Variants in SCARB2 observed in about 807,000 individuals in gnomAD.
The protein encoded by SCARB2 is scavenger receptor class B member 2.
In SCARB2, 29 loss-of-function variants were observed where a neutral mutation model predicts 58.6. The observed-to-expected ratio is 0.49, with a 90% CI of 0.37 to 0.67. The LOEUF (loss-of-function observed/expected upper bound fraction) is 0.67, where lower values mean the gene tolerates loss of function less well. Among genes scored for constraint, SCARB2 ranks in the 30% least tolerant of loss-of-function variants. The pLI is 0.00. For missense variants in SCARB2, 488 were observed against 578.5 expected (o/e 0.84, Z 1.60); for synonymous variants, 195 against 210.1 (o/e 0.93, Z 0.62).
chr4:76,204,018 T>C (rs1732880478), intron 1 of SCARB2, among the ~76,000 whole-genome samples: 1 of 152,222 alleles, frequency 6.6e-6, no homozygotes, highest in South Asian at 2.1e-4. Flanking sequence ...CATGTTGCCA[T>C]CTGCACAGTC....
chr4:76,211,267 T>G (rs1325408433), intron 1 of SCARB2, among the ~76,000 whole-genome samples: 2 of 152,216 alleles, frequency 1.3e-5, no homozygotes, highest in Non-Finnish European at 2.9e-5. Flanking sequence ...AGCTTAACTT[T>G]GCGAGTTTCA....
intron 7 of SCARB2, among the ~76,000 whole-genome samples, chr4:76,170,994 C>A (rs1732119058): frequency 7.0e-6 from 1 of 142,382 alleles, no homozygotes; most frequent in Admixed American, 7.5e-5. Context: ...AAACAAGTTA[C>A]TAAAGGAAAC....
intron 1 of SCARB2, among the ~76,000 whole-genome samples, chr4:76,221,847 C>T (rs1347442792): frequency 6.6e-6 from 1 of 152,186 alleles, no homozygotes; most frequent in Non-Finnish European, 1.5e-5. Context: ...GCACACCAAA[C>T]CTCAGCGACA....
rs1273374189 is a variant in SCARB2, at chr4:76,181,888, G to C, written c.276-787C>G. On this transcript the variant is annotated intron_variant, in intron 2 of 11. Coordinates refer to ENST00000264896, the MANE Select transcript of SCARB2 (RefSeq NM_005506.4). ...GTCTCTGTTTCTGATATACAGCACA[G>C]TTTGGTTCAAGTTAGAGCCCCCAAA... Among the ~76,000 whole-genome samples the C allele has an allele frequency of 3.3e-5, 5 of 152,118 alleles. No individual in the cohort carries two copies. In the East Asian group the frequency reaches 9.6e-4, roughly 29 times the overall value.
chr4:76,232,015 C>A (rs1157552067), intron 1 of SCARB2, among the ~76,000 whole-genome samples: 1 of 152,186 alleles, frequency 6.6e-6, no homozygotes. Context: ...TCCTATTGCA[C>A]TGATGTAAAC....
upstream of SCARB2, among the ~76,000 whole-genome samples, chr4:76,217,083 G>A (rs141022383): frequency 3.5e-3 from 540 of 152,276 alleles, 6 homozygotes; most frequent in African/African-American, 0.013. Context: ...CCTCATTTCT[G>A]ATCTATAGGA....
intron 1 of SCARB2, among the ~76,000 whole-genome samples, chr4:76,231,100 T>C (rs1185213683): frequency 7.1e-6 from 1 of 141,058 alleles, no homozygotes; most frequent in Non-Finnish European, 1.5e-5. Flanking sequence ...GGTGAAACCG[T>C]AGAACTGAGT....
intron 1 of SCARB2, 66 bp downstream of exon 1, chr4:76,213,361 T>G: frequency 2.8e-6 from 3 of 1,074,218 alleles, no homozygotes; most frequent in Middle Eastern, 3.9e-4. Context: ...ATACAAGATG[T>G]AGCAGCAGGG....
chr4:76,216,727 C>A (rs374204290), upstream of SCARB2, among the ~76,000 whole-genome samples: 9 of 152,284 alleles, frequency 5.9e-5, no homozygotes, highest in African/African-American at 2.2e-4. Flanking sequence ...GCCACTTCCC[C>A]TTTAAAACTC....
In SCARB2 at chr4:76,195,448, A is replaced by G. The variant is rs187467067; in HGVS notation, c.275+259T>C. ...GGTAAGGAGTAACCCTTCATGGTTT[A>G]ATAATCACAGTCTGCCAACTCAGGA... is the stretch of plus-strand genomic sequence containing the variant. On this transcript the variant is annotated intron_variant, in intron 2 of 11. Coordinates refer to ENST00000264896, the MANE Select transcript of SCARB2 (RefSeq NM_005506.4). 47 of 498,090 alleles carry G rather than the reference A, an allele frequency of 9.4e-5. No individual in the cohort carries two copies. In the East Asian group the frequency reaches 1.7e-3, roughly 18 times the overall value. 30.9% of individuals were successfully genotyped at this position (498,090 alleles called of 1,614,324 possible).
At chr4:76,215,771 T>G (rs983199344), upstream of SCARB2, among the ~76,000 whole-genome samples, 12 of 151,912 alleles carry the variant, frequency 7.9e-5, no homozygotes, top group African/African-American at 2.9e-4. Flanking sequence ...AAGCCCTGAG[T>G]CTGTAGGAAG....
chr4:76,198,750 A>G (rs1237075551), intron 1 of SCARB2, among the ~76,000 whole-genome samples: 1 of 152,004 alleles, frequency 6.6e-6, no homozygotes, highest in African/African-American at 2.4e-5. Context: ...TGCTGCTTTC[A>G]TATGTCTCTT....
intron 2 of SCARB2, chr4:76,193,438 C>T (rs1560715195): frequency 6.6e-6 from 1 of 152,288 alleles, no homozygotes; most frequent in Non-Finnish European, 1.5e-5. Flanking sequence ...GGCCACCGTC[C>T]TTGAGACACC....
chr4:76,169,970 A>G lies in SCARB2; in HGVS notation c.1010T>C (p.Met337Thr), dbSNP rs147324129. 164 of 1,613,874 alleles carry G rather than the reference A, an allele frequency of 1.0e-4. No homozygotes were observed. Among genetic ancestry groups the G allele is most frequent in the Middle Eastern group, 5.0e-4 (3 of 6,060 alleles). Residue 337 changes from methionine to threonine, a missense_variant, in exon 8 of 12, where the codon ATG (methionine) becomes ACG (threonine). Met to Thr is a moderately conservative substitution (Grantham distance 81). Coordinates refer to ENST00000264896, the MANE Select transcript of SCARB2 (RefSeq NM_005506.4). ...SICKNGAPII[M>T]SFPHFYQADE... ...TGCTTGGTAAAAGTGTGGGAAAGAC[A>G]TAATGATGGGTGCACCTGCATTTGA...
At position 76,169,894 on chromosome 4, in the gene SCARB2, G is replaced by T. The variant is rs1238674003; in HGVS notation, c.1086C>A (p.Asp362Glu). Residue 362 changes from aspartate (D) to glutamate (E), a missense_variant, in exon 8 of 12, where the codon GAC becomes GAA. Transcript: ENST00000264896. Reference protein sequence around the residue: ...AIEGMHPNQEDHETFVDINPL... With the variant: ...AIEGMHPNQEEHETFVDINPL... ...GATTAATGTCCACAAATGTCTCATG[G>T]TCTTCCTGATTTGGGTGCATGCCTT... 1 of 1,613,826 alleles carries T rather than the reference G, an allele frequency of 6.2e-7. No homozygotes were observed. The highest frequency in any genetic ancestry group is 1.1e-5 in the South Asian group (1 of 91,078).
intron 1 of SCARB2, among the ~76,000 whole-genome samples, chr4:76,210,943 AAAAAC>A (rs539796180): frequency 1.3e-5 from 2 of 152,252 alleles, no homozygotes; most frequent in Non-Finnish European, 2.9e-5. Flanking sequence ...CTTCAAATGA[AAAAAC>A]AAAGAACTGG....
At chr4:76,176,262 TG>T (rs1173042186) in intron 5 of SCARB2, 174 bp downstream of exon 5, 3 of 615,830 alleles carry the variant, frequency 4.9e-6, no homozygotes, top group Non-Finnish European at 8.5e-6. Context: ...ATATTTAATC[TG>T]TAAGATGTTT....
At position 76,160,923 on chromosome 4, in the gene SCARB2, CAGTT is replaced by C. The variant is rs1206177832; in HGVS notation, c.*786_*789del. 1 of 151,790 alleles carries C rather than the reference CAGTT, an allele frequency of 6.6e-6. No homozygotes were observed. Among genetic ancestry groups the C allele is most frequent in the Non-Finnish European group, 1.5e-5 (1 of 67,960 alleles). The allele number at this position is 151,790 out of a possible 1,614,324, so 9.4% of individuals were successfully genotyped here. ...ATGATCATTTTGACTAAAAAAAAAACAGTTAACTATCCACAAGCATCATAACTAG... is the reference window on the plus strand; with the variant it reads ...ATGATCATTTTGACTAAAAAAAAAACAACTATCCACAAGCATCATAACTAG... On this transcript the variant is annotated 3_prime_UTR_variant, in exon 12 of 12. Coordinates refer to ENST00000264896, the MANE Select transcript of SCARB2 (RefSeq NM_005506.4).
chr4:76,217,702 A>G, upstream of SCARB2: 1 of 580,634 alleles, frequency 1.7e-6, no homozygotes, highest in Non-Finnish European at 3.1e-6. Context: ...TTGTTATAGC[A>G]ACACAAACAG....
Sources: gnomAD v4.1 joint callset for allele counts (sites outside exome capture counted in the v4.1 genomes callset) on GRCh38, gnomAD v4.1.1 for gene constraint, MANE v1.5 for transcripts, NCBI Gene and HGNC (gene_info 2026-07-23, HGNC 2026-07-21) for gene names.